PDE1C: variants seen among roughly 807,000 people sequenced by gnomAD.
PDE1C encodes dual specificity calcium/calmodulin-dependent 3',5'-cyclic nucleotide phosphodiesterase 1C.
Under a neutral mutation model 93.1 loss-of-function variants are expected in PDE1C, and 62 were observed. That is an observed-to-expected ratio of 0.67 (90% CI 0.54 to 0.82). The LOEUF (loss-of-function observed/expected upper bound fraction) is 0.82. Among genes scored for constraint, PDE1C ranks in the 40% least tolerant of loss-of-function variants. The pLI, the probability that PDE1C is intolerant of heterozygous loss-of-function variation, is 0.00. For synonymous variants in PDE1C, 325 were observed against 310.1 expected (o/e 1.05, Z -0.50); for missense variants, 742 against 884.6 (o/e 0.84, Z 2.04).
chr7:32,201,226 A>G (rs1804989071), intron 2 of PDE1C, among the ~76,000 whole-genome samples: 6 of 152,230 alleles, frequency 3.9e-5, no homozygotes, highest in Admixed American at 1.3e-4. Context: ...AAAAAATGAG[A>G]AGGTTTTCAG....
intron 2 of PDE1C, among the ~76,000 whole-genome samples, chr7:32,188,718 G>A (rs1804040493): frequency 6.6e-6 from 1 of 152,116 alleles, no homozygotes; most frequent in South Asian, 2.1e-4. Context: ...AAGTCTTTAG[G>A]ATGGTATTTT....
Position 32,141,765 on chromosome 7 carries a change from T to C in PDE1C, c.308+28020A>G, listed in dbSNP as rs1420544098. Among the ~76,000 whole-genome samples the C allele has an allele frequency of 2.0e-5, 3 of 152,126 alleles. No homozygotes were observed. In the East Asian group the frequency reaches 5.8e-4, roughly 29 times the overall value. ...GAAATTGGCAAACTCCAAATAAAGTTTGAAGTTTAGTCAATAGCCATGTAC... is the reference window on the plus strand; with the variant it reads ...GAAATTGGCAAACTCCAAATAAAGTCTGAAGTTTAGTCAATAGCCATGTAC... On this transcript the variant is annotated intron_variant, in intron 3 of 18. Coordinates refer to the PDE1C transcript ENST00000396193.
At chr7:31,794,109 TGGGCAGGCGGGC>T (rs1784992325) in intron 16 of PDE1C, among the ~76,000 whole-genome samples, 1 of 149,086 alleles carries the variant, frequency 6.7e-6, no homozygotes. Context: ...GACAGATAGA[TGGGCAGGCGGGC>T]AGGCAGGCAG....
chr7:32,370,602 A>T (rs901674664), intron 1 of PDE1C, among the ~76,000 whole-genome samples: 4 of 151,378 alleles, frequency 2.6e-5, no homozygotes, highest in African/African-American at 9.7e-5. Context: ...ACACTTGGAC[A>T]CAGGGTGGAG....
At chr7:31,666,027 T>C in the PDE1C span, among the ~76,000 whole-genome samples, 1 of 152,174 alleles carries the variant, frequency 6.6e-6, no homozygotes, top group African/African-American at 2.4e-5. Flanking sequence ...TTTTTGTTGT[T>C]AGAAACTTCT....
At chr7:31,650,369 G>C in the PDE1C span, among the ~76,000 whole-genome samples, 4 of 152,140 alleles carry the variant, frequency 2.6e-5, no homozygotes, top group Admixed American at 6.6e-5. Context: ...CAGACTGGAG[G>C]GTGGTCAAGT....
At chr7:32,067,147 T>C (rs757308670) in intron 1 of PDE1C, among the ~76,000 whole-genome samples, 2 of 152,176 alleles carry the variant, frequency 1.3e-5, no homozygotes, top group Non-Finnish European at 2.9e-5. Flanking sequence ...TGTTTAAAAC[T>C]CACATCTCCA....
intron 2 of PDE1C, among the ~76,000 whole-genome samples, chr7:32,178,303 A>C (rs1803144484): frequency 6.6e-6 from 1 of 151,586 alleles, no homozygotes. Flanking sequence ...TGGAGTAAGT[A>C]CTCTCCTCTG....
At chr7:32,270,869 G>A (rs1425532991) in intron 1 of PDE1C, among the ~76,000 whole-genome samples, 4 of 152,042 alleles carry the variant, frequency 2.6e-5, no homozygotes, top group African/African-American at 4.8e-5. Flanking sequence ...AGTGGCTCAC[G>A]CCTGTAATCC....
chr7:32,133,872 A>G (rs1056220745), intron 3 of PDE1C, among the ~76,000 whole-genome samples: 1 of 152,140 alleles, frequency 6.6e-6, no homozygotes, highest in Non-Finnish European at 1.5e-5. Context: ...GTGCTTATGG[A>G]AATAAAGGAA....
intron 1 of PDE1C, among the ~76,000 whole-genome samples, chr7:32,224,968 AT>A (rs969701805): frequency 1.3e-4 from 20 of 151,782 alleles, no homozygotes; most frequent in Non-Finnish European, 2.9e-5. Context: ...CAATGAAGAG[AT>A]CCCCCAGGAA....
chr7:31,629,574 A>T, the PDE1C span, among the ~76,000 whole-genome samples: 8 of 152,246 alleles, frequency 5.3e-5, no homozygotes, highest in Non-Finnish European at 7.3e-5. Flanking sequence ...TAAGAAAATG[A>T]TATGAAAAGA....
intron 1 of PDE1C, among the ~76,000 whole-genome samples, chr7:32,394,536 ATT>A (rs1356035912): frequency 6.6e-6 from 1 of 152,196 alleles, no homozygotes; most frequent in Non-Finnish European, 1.5e-5. Context: ...GGTTGGGCAC[ATT>A]GACTCATGCC....
At chr7:31,808,314 C>T (rs1370265008) in intron 16 of PDE1C, 1 of 361,190 alleles carries the variant, frequency 2.8e-6, no homozygotes. Flanking sequence ...AATATGATGT[C>T]TGTGTATGAG....
the PDE1C span, chr7:31,642,374 A>C: frequency 1.4e-6 from 1 of 740,130 alleles, no homozygotes; most frequent in Non-Finnish European, 2.2e-6. Context: ...GGGGTGTTTT[A>C]AATCAAGCCA....
the PDE1C span, among the ~76,000 whole-genome samples, chr7:31,636,106 A>G: frequency 6.6e-6 from 1 of 151,704 alleles, no homozygotes; most frequent in Non-Finnish European, 1.5e-5. Flanking sequence ...ATCAGATCTC[A>G]TGAGAACTCA....
intron 3 of PDE1C, among the ~76,000 whole-genome samples, chr7:32,083,314 AGAAAT>A (rs1460952420): frequency 4.0e-5 from 6 of 151,298 alleles, no homozygotes; most frequent in African/African-American, 1.5e-4. Flanking sequence ...AAGAATAAAA[AGAAAT>A]GAACAAAGCC....
chr7:32,102,053 A>G (rs1251757677), intron 3 of PDE1C, among the ~76,000 whole-genome samples: 1 of 152,194 alleles, frequency 6.6e-6, no homozygotes, highest in African/African-American at 2.4e-5. Flanking sequence ...GCACCAAGCT[A>G]TTCTTGAGGG....
chr7:32,381,891 C>T (rs1186453190), intron 1 of PDE1C, among the ~76,000 whole-genome samples: 1 of 152,156 alleles, frequency 6.6e-6, no homozygotes. Context: ...TGCCACATTC[C>T]CAGAGCCTAA....
Sources: allele counts gnomAD v4.1 joint callset (sites outside exome capture counted in the v4.1 genomes callset), GRCh38; gene constraint gnomAD v4.1.1; transcripts MANE v1.5; gene names NCBI Gene and HGNC (gene_info 2026-07-23, HGNC 2026-07-21).